Variants in SKIL observed in about 807,000 individuals in gnomAD.
SKIL encodes SKI like proto-oncogene.
SKIL carries 20 observed loss-of-function variants against 69.6 expected under a neutral mutation model. The ratio of observed to expected loss-of-function variants is 0.29; its 90% CI spans 0.20 to 0.42. The LOEUF (loss-of-function observed/expected upper bound fraction) is 0.42. Ranked by LOEUF, SKIL falls within the 10% of genes least tolerant of loss-of-function variation. SKIL has a pLI of 1.00. For missense variants in SKIL, 745 were observed against 783.1 expected (o/e 0.95, Z 0.58); for synonymous variants, 310 against 279.9 (o/e 1.11, Z -1.08).
chr3:170,366,686 C>CACACACAG (rs1553852220), intron 2 of SKIL, among the ~76,000 whole-genome samples: 22 of 97,578 alleles, frequency 2.3e-4, no homozygotes, highest in African/African-American at 9.2e-4. Flanking sequence ...CACACACACA[C>CACACACAG]ACACACACAG....
At chr3:170,373,147 C>T (rs1329934065) in intron 2 of SKIL, among the ~76,000 whole-genome samples, 1 of 151,610 alleles carries the variant, frequency 6.6e-6, no homozygotes, top group African/African-American at 2.4e-5. Context: ...CAGGCGTGCA[C>T]CACCAGGCCC....
chr3:170,365,752 C>CTTTTTTTTTTTTTTTTTTGTTTTT (rs1736469008), intron 2 of SKIL, among the ~76,000 whole-genome samples: 1 of 106,498 alleles, frequency 9.4e-6, no homozygotes, highest in Admixed American at 1.0e-4. Flanking sequence ...TCAAACTAGG[C>CTTTTTTTTTTTTTTTTTTGTTTTT]TTTTTTTTTT....
chr3:170,384,578 A>C lies in SKIL; in HGVS notation c.1242A>C (p.Ser414=). Residue 414 remains serine, a synonymous_variant, in exon 4 of 7, where the codon TCA becomes TCC. Coordinates refer to ENST00000259119, the MANE Select transcript of SKIL (RefSeq NM_005414.5). The part of the protein sequence containing the change: ...MCDKVVAPNV[S]LTSAVSQSKE... ...ATAAAGTGGTTGCCCCAAATGTGTC[A>C]CTTACTTCTGCTGTATCCCAGTCTA... 6.2e-7 allele frequency: 1 copy of C among 1,611,928 alleles called. No individual in the cohort carries two copies. Among genetic ancestry groups the C allele is most frequent in the South Asian group, 1.1e-5 (1 of 90,618 alleles).
intron 2 of SKIL, among the ~76,000 whole-genome samples, chr3:170,377,951 T>A (rs887060093): frequency 3.3e-5 from 5 of 151,988 alleles, no homozygotes; most frequent in Admixed American, 1.3e-4. Context: ...TGGAGTGCAA[T>A]GGCGCCGTCT....
intron 4 of SKIL, 69 bp from the exon 5 acceptor site, chr3:170,390,153 TG>T: frequency 9.4e-7 from 1 of 1,059,216 alleles, no homozygotes; most frequent in Non-Finnish European, 1.4e-6. Context: ...ATTACATTTA[TG>T]GATTGTTCTA....
rs1484427153 is a variant in SKIL, at chr3:170,394,331, A to G, written c.*1914A>G. 1 of 151,880 alleles carries G rather than the reference A, an allele frequency of 6.6e-6. No homozygotes were observed. Among genetic ancestry groups the G allele is most frequent in the African/African-American group, 2.4e-5 (1 of 41,358 alleles). The allele number at this position is 151,880 out of a possible 1,614,324, so 9.4% of individuals were successfully genotyped here. ...AATATTTAAAATGACATATTCTCCC[A>G]ATACAATCTATTTAGATCTGGAGAA... On this transcript the variant is annotated 3_prime_UTR_variant, in exon 7 of 7. Transcript: ENST00000259119.
chr3:170,362,254 AC>A (rs754573048), intron 2 of SKIL, among the ~76,000 whole-genome samples: 1 of 152,164 alleles, frequency 6.6e-6, no homozygotes, highest in Non-Finnish European at 1.5e-5. Context: ...TGTAATCCCA[AC>A]ACTTTGGGGG....
intron 2 of SKIL, among the ~76,000 whole-genome samples, chr3:170,380,339 C>G (rs1331997055): frequency 6.6e-6 from 1 of 152,000 alleles, no homozygotes; most frequent in African/African-American, 2.4e-5. Flanking sequence ...TTATAGAGTT[C>G]TATTATTTAA....
At chr3:170,378,261 C>T (rs551127279) in intron 2 of SKIL, among the ~76,000 whole-genome samples, 61 of 152,292 alleles carry the variant, frequency 4.0e-4, no homozygotes, top group African/African-American at 1.2e-3. Context: ...ATTCTAAGAG[C>T]GGTTTCCTTT....
chr3:170,359,221 T>G (rs1041761826), intron 1 of SKIL, among the ~76,000 whole-genome samples: 4 of 152,372 alleles, frequency 2.6e-5, no homozygotes, highest in Admixed American at 2.0e-4. Flanking sequence ...TTTAAATGAA[T>G]GTTCTTCTAG....
At chr3:170,380,744 C>T (rs904967888) in intron 2 of SKIL, among the ~76,000 whole-genome samples, 2 of 152,056 alleles carry the variant, frequency 1.3e-5, no homozygotes, top group Non-Finnish European at 2.9e-5. Context: ...TGAAACTGTT[C>T]TTGTGATGGG....
In SKIL at chr3:170,360,971, A is replaced by G; in HGVS notation, c.640A>G (p.Asn214Asp). 1 of 1,614,126 alleles carries G rather than the reference A, an allele frequency of 6.2e-7. No homozygotes were observed. Among genetic ancestry groups the G allele is most frequent in the African/African-American group, 1.3e-5 (1 of 75,050 alleles). The change falls in exon 2 of 7, where the codon AAT becomes GAT. Residue 214 changes from asparagine (N) to aspartate (D), a missense_variant. Asn to Asp is a conservative substitution (Grantham distance 23, BLOSUM62 1). Transcript: ENST00000259119. Reference protein sequence around the residue: ...ILKVLGILPFNAPSCGLITLT... With the variant: ...ILKVLGILPFDAPSCGLITLT... ...AAAGGTACTGGGCATACTTCCATTCAATGCCCCATCCTGTGGGCTGATTAC... is the reference window on the plus strand; with the variant it reads ...AAAGGTACTGGGCATACTTCCATTCGATGCCCCATCCTGTGGGCTGATTAC...
intron 3 of SKIL, among the ~76,000 whole-genome samples, chr3:170,382,503 C>T (rs1737404994): frequency 6.6e-6 from 1 of 151,444 alleles, no homozygotes; most frequent in Non-Finnish European, 1.5e-5. Flanking sequence ...CAACCTCTGC[C>T]TCCCAGGTTC....
chr3:170,386,425 C>T (rs981344838), intron 4 of SKIL, among the ~76,000 whole-genome samples: 38 of 152,206 alleles, frequency 2.5e-4, no homozygotes, highest in African/African-American at 2.4e-4. Flanking sequence ...CCATCGCGCC[C>T]GGCCAGGGGT....
chr3:170,384,484 TA>T, intron 3 of SKIL, 48 bp from the exon 4 acceptor site: 1 of 836,118 alleles, frequency 1.2e-6, no homozygotes, highest in Non-Finnish European at 1.9e-6. Context: ...GATTTTTACT[TA>T]ATTGTAATAT....
At chr3:170,374,781 C>T (rs1292223061) in intron 2 of SKIL, among the ~76,000 whole-genome samples, 3 of 152,106 alleles carry the variant, frequency 2.0e-5, no homozygotes, top group Non-Finnish European at 2.9e-5. Context: ...GTAAAATTAG[C>T]TTGCAACATT....
At chr3:170,367,449 G>T (rs1736588522) in intron 2 of SKIL, among the ~76,000 whole-genome samples, 2 of 133,590 alleles carry the variant, frequency 1.5e-5, no homozygotes, top group Admixed American at 8.5e-5. Flanking sequence ...ACTAAGTTAA[G>T]AACTATATAT....
rs759742867 is a variant in SKIL, at chr3:170,361,399, C to T, written c.1068C>T (p.Ser356=). The change falls in exon 2 of 7, where the codon AGC becomes AGT. Residue 356 remains serine (S), a synonymous_variant. Transcript: ENST00000259119. ...TAGAAGAAATGAAGGAGAAGTTTAG[C>T]ATGAGAAGTGGAAAGAGAAATCAAT... ...IILEEMKEKF[S]MRSGKRNQSK... is the part of the protein sequence containing the mutation. 5.7e-6 allele frequency: 9 copies of T among 1,590,574 alleles called. No homozygotes were observed. The South Asian group carries it at 8.1e-5, about 14-fold the overall frequency.
intron 4 of SKIL, among the ~76,000 whole-genome samples, chr3:170,388,023 T>G (rs941442579): frequency 6.6e-6 from 1 of 151,960 alleles, no homozygotes; most frequent in South Asian, 2.1e-4. Flanking sequence ...AGTTTTTTTT[T>G]GGTATGTATT....
Sources: gnomAD v4.1 joint callset for allele counts (sites outside exome capture counted in the v4.1 genomes callset) on GRCh38, gnomAD v4.1.1 for gene constraint, MANE v1.5 for transcripts, NCBI Gene and HGNC (gene_info 2026-07-23, HGNC 2026-07-21) for gene names.